Variants in ANKS6 observed in about 807,000 individuals in gnomAD.
ANKS6 encodes ankyrin repeat and sterile alpha motif domain containing 6, also known as ankyrin repeat and SAM domain-containing protein 6.
In ANKS6, 47 loss-of-function variants were observed where a neutral mutation model predicts 77.9. The ratio of observed to expected loss-of-function variants is 0.60; its 90% CI spans 0.48 to 0.77. ANKS6 has a LOEUF of 0.77. Ranked by LOEUF, ANKS6 falls within the 30% of genes least tolerant of loss-of-function variation. The pLI is 0.00. For missense variants in ANKS6, 1,150 were observed against 1,159.1 expected (o/e 0.99, Z 0.11); for synonymous variants, 488 against 501.7 (o/e 0.97, Z 0.37).
intron 1 of ANKS6, among the ~76,000 whole-genome samples, chr9:98,792,657 T>G (rs766135956): frequency 6.6e-6 from 1 of 152,154 alleles, no homozygotes; most frequent in East Asian, 1.9e-4. Context: ...TAACAGCAGA[T>G]TACAAGGTGC....
At position 98,796,173 on chromosome 9, in the gene ANKS6, G is replaced by T; in HGVS notation, c.319C>A (p.Arg107Ser). Reference sequence around the variant, plus strand: ...AGCGCGCTCCAGCCGTAGTGGTTGCGGCTGTTGACCGAGGCACCGCGGCGC... The same window carrying T: ...AGCGCGCTCCAGCCGTAGTGGTTGCTGCTGTTGACCGAGGCACCGCGGCGC... ...LLRRGASVNS[R>S]NHYGWSALMQ... The change falls in exon 1 of 15, where the codon CGC (arginine) becomes AGC (serine). Residue 107 changes from arginine (R) to serine (S), a missense_variant. Arg to Ser is a moderately radical substitution (Grantham distance 110). Transcript: ENST00000353234. 1 of 1,413,806 alleles carries T rather than the reference G, an allele frequency of 7.1e-7. No homozygotes were observed. Among genetic ancestry groups the T allele is most frequent in the Admixed American group, 2.8e-5 (1 of 35,874 alleles). The allele number at this position is 1,413,806 out of a possible 1,614,324, so 87.6% of individuals were successfully genotyped here. A position where few individuals can be genotyped will look rare whatever the true frequency, so the allele number is the denominator to read the frequency against.
intron 13 of ANKS6, among the ~76,000 whole-genome samples, chr9:98,748,143 G>A (rs556090055): frequency 1.2e-4 from 18 of 152,366 alleles, no homozygotes; most frequent in African/African-American, 4.1e-4. Flanking sequence ...GGGTCTGGCA[G>A]GGGCAGGGTC....
Position 98,736,321 on chromosome 9 carries a change from A to G in ANKS6, c.*198T>C. 7.1e-7 allele frequency: 1 copy of G among 1,410,446 alleles called. No individual in the cohort carries two copies. The highest frequency in any genetic ancestry group is 1.6e-5 in the South Asian group (1 of 62,142). 87.4% of individuals were successfully genotyped at this position (1,410,446 alleles called of 1,614,324 possible). ...CACCCCCACTGGACTGTTACATGGG[A>G]ATCTGTCTCTGTGTGTTGAAGTTTG... On this transcript the variant is annotated 3_prime_UTR_variant, in exon 15 of 15. Transcript: ENST00000353234.
Position 98,784,692 on chromosome 9 carries a change from A to C in ANKS6, c.907+140T>G, listed in dbSNP as rs186104570. ...AATAAATACTGGCCTCCAGGATCTGAACTTCCAAACACCAAACACCAAAAT... is the reference window on the plus strand; with the variant it reads ...AATAAATACTGGCCTCCAGGATCTGCACTTCCAAACACCAAACACCAAAAT... On this transcript the variant is annotated intron_variant, in intron 3 of 14. Coordinates refer to ENST00000353234, the MANE Select transcript of ANKS6 (RefSeq NM_173551.5). The C allele has an allele frequency of 2.8e-3, 2,205 of 790,866 alleles. 25 individuals are homozygous for C. The highest frequency in any genetic ancestry group is 1.6e-3 in the Non-Finnish European group (794 of 489,374). 49.0% of individuals were successfully genotyped at this position (790,866 alleles called of 1,614,324 possible).
rs1159397089 is a variant in ANKS6 at position 98,735,046 on chromosome 9, T to C, written c.*1473A>G. 1 of 985,198 alleles carries C rather than the reference T, an allele frequency of 1.0e-6. No individual in the cohort carries two copies. The highest frequency in any genetic ancestry group is 1.7e-5 in the African/African-American group (1 of 57,186). 61.0% of individuals were successfully genotyped at this position (985,198 alleles called of 1,614,324 possible). A position where few individuals can be genotyped will look rare whatever the true frequency, so the allele number is the denominator to read the frequency against. ...CTTTCATGGCTGGGGGAGGGACAGA[T>C]GAGAGATGGCACCTCCCAAGGAGAC... On this transcript the variant is annotated 3_prime_UTR_variant, in exon 15 of 15. Coordinates refer to ENST00000353234, the MANE Select transcript of ANKS6 (RefSeq NM_173551.5).
rs538050086 is a variant in ANKS6 at position 98,735,255 on chromosome 9, T to C, written c.*1264A>G. 6 of 988,284 alleles carry C rather than the reference T, an allele frequency of 6.1e-6. No individual in the cohort carries two copies. In the African/African-American group the frequency reaches 8.7e-5, roughly 14 times the overall value. 61.2% of individuals were successfully genotyped at this position (988,284 alleles called of 1,614,324 possible). Reference sequence around the variant, plus strand: ...AGCACAAGGTCTGCCCACTCTACCATGCTGCCTCTCAATGTCGGGACCATC... The same window carrying C: ...AGCACAAGGTCTGCCCACTCTACCACGCTGCCTCTCAATGTCGGGACCATC... On this transcript the variant is annotated 3_prime_UTR_variant, in exon 15 of 15. Coordinates refer to ENST00000353234, the MANE Select transcript of ANKS6 (RefSeq NM_173551.5).
intron 14 of ANKS6, among the ~76,000 whole-genome samples, chr9:98,742,054 A>C (rs1161128818): frequency 6.6e-6 from 1 of 152,210 alleles, no homozygotes; most frequent in African/African-American, 2.4e-5. Flanking sequence ...TCTAAAACCC[A>C]CCAGCGTGCT....
Position 98,734,575 on chromosome 9 carries a change from G to C in ANKS6, c.*1944C>G. The C allele has an allele frequency of 1.0e-6, 1 of 985,432 alleles. No homozygotes were observed. Among genetic ancestry groups the C allele is most frequent in the Non-Finnish European group, 1.2e-6 (1 of 829,954 alleles). The allele number at this position is 985,432 out of a possible 1,614,324, so 61.0% of individuals were successfully genotyped here. ...TGCTTCTAGCTCCAGGAGTCTATAG[G>C]AGTTAGTGGAAAAGGCACAGGCTTG... On this transcript the variant is annotated 3_prime_UTR_variant, in exon 15 of 15. Transcript: ENST00000353234.
chr9:98,790,650 T>C, intron 1 of ANKS6, 44 bp from the exon 2 acceptor site: 1 of 1,568,652 alleles, frequency 6.4e-7, no homozygotes. Context: ...CACACAGCAC[T>C]CGGGGGCCAG....
At chr9:98,750,829 C>T (rs935008678) in intron 13 of ANKS6, among the ~76,000 whole-genome samples, 200 bp downstream of exon 13, 2 of 152,196 alleles carry the variant, frequency 1.3e-5, no homozygotes, top group Admixed American at 6.5e-5. Flanking sequence ...TTACAAAATT[C>T]TATCATAACA....
chr9:98,739,272 T>C (rs1485831966), intron 14 of ANKS6, among the ~76,000 whole-genome samples: 1 of 151,864 alleles, frequency 6.6e-6, no homozygotes, highest in Non-Finnish European at 1.5e-5. Flanking sequence ...TCTATGGAAA[T>C]AAAAAATTAA....
At position 98,771,014 on chromosome 9, in the gene ANKS6, G is replaced by A. The variant is rs150228036; in HGVS notation, c.1854C>T (p.Leu618=). The A allele has an allele frequency of 8.5e-4, 1,353 of 1,592,362 alleles. 17 individuals carry two copies. In the African/African-American group the frequency reaches 0.017, roughly 20 times the overall value. ...TGGCAGAAGAGGCTGGGCTTCTGGG[G>A]AGGCTTGGAAATTTAACAGGCCTGA... ...TPVRPVKFPS[L]PRSPASSANS... is the part of the protein sequence containing the mutation. The change falls in exon 10 of 15, where the codon CTC becomes CTT. Residue 618 remains leucine, a synonymous_variant. Transcript: ENST00000353234.
At chr9:98,790,992 A>T (rs1035038851) in intron 1 of ANKS6, among the ~76,000 whole-genome samples, 2 of 152,222 alleles carry the variant, frequency 1.3e-5, no homozygotes, top group African/African-American at 4.8e-5. Context: ...CATCAATGTT[A>T]GCGATTGTTA....
intron 4 of ANKS6, 57 bp from the exon 5 acceptor site, chr9:98,782,630 G>A: frequency 7.0e-7 from 1 of 1,427,450 alleles, no homozygotes; most frequent in Non-Finnish European, 9.9e-7. Context: ...CTTTGCTCCT[G>A]GGCAACAAAA....
intron 11 of ANKS6, among the ~76,000 whole-genome samples, chr9:98,758,859 C>T (rs957850374): frequency 6.6e-6 from 1 of 152,124 alleles, no homozygotes; most frequent in African/African-American, 2.4e-5. Context: ...GAATTGTTAG[C>T]CCATATCCTG....
chr9:98,776,087 C>T (rs1335952461), intron 8 of ANKS6, among the ~76,000 whole-genome samples: 2 of 152,156 alleles, frequency 1.3e-5, no homozygotes, highest in African/African-American at 4.8e-5. Context: ...CAACTTTAAC[C>T]ACTAAGCTCT....
chr9:98,784,055 C>A lies in ANKS6; in HGVS notation c.1010G>T (p.Gly337Val). ...CAGCAGCTGCACCAGAGCCAGCTGC[C>A]CCGTAACAGCTGCTAGCATCAGTGG... ...ATPLMLAAVT[G>V]QLALVQLLVE... Residue 337 changes from glycine (G) to valine (V), a missense_variant, in exon 4 of 15, where the codon GGG becomes GTG. Gly to Val is a moderately radical substitution (Grantham distance 109, BLOSUM62 -3). Transcript: ENST00000353234. 10 of 1,611,190 alleles carry A rather than the reference C, an allele frequency of 6.2e-6. No homozygotes were observed. Among genetic ancestry groups the A allele is most frequent in the Non-Finnish European group, 7.6e-6 (9 of 1,178,894 alleles).
chr9:98,768,519 G>C (rs116446288), intron 10 of ANKS6, among the ~76,000 whole-genome samples: 1 of 152,118 alleles, frequency 6.6e-6, no homozygotes, highest in Non-Finnish European at 1.5e-5. Context: ...CGCTTTCCCC[G>C]TGCCACAGCC....
intron 8 of ANKS6, among the ~76,000 whole-genome samples, chr9:98,774,320 G>A (rs1833804156): frequency 6.6e-6 from 1 of 152,198 alleles, no homozygotes; most frequent in Non-Finnish European, 1.5e-5. Context: ...TCAGAATGGG[G>A]CAGAGGAGAC....
Sources: gnomAD v4.1 joint callset for allele counts (sites outside exome capture counted in the v4.1 genomes callset) on GRCh38, gnomAD v4.1.1 for gene constraint, MANE v1.5 for transcripts, NCBI Gene and HGNC (gene_info 2026-07-23, HGNC 2026-07-21) for gene names.